Variants in FSTL4 observed in about 807,000 individuals in gnomAD.
The protein encoded by FSTL4 is follistatin-related protein 4.
Under a neutral mutation model 78.2 loss-of-function variants are expected in FSTL4, and 28 were observed. That is an observed-to-expected ratio of 0.36 (90% CI 0.27 to 0.49). The LOEUF (loss-of-function observed/expected upper bound fraction) is 0.49, where lower values mean the gene tolerates loss of function less well. Ranked by LOEUF, FSTL4 falls within the 20% of genes least tolerant of loss-of-function variation. FSTL4 has a pLI of 0.98. For synonymous variants in FSTL4, 422 were observed against 440.5 expected, an observed-to-expected ratio of 0.96 and a Z score of 0.53; for missense variants, 922 against 1,084.9, an observed-to-expected ratio of 0.85 and a Z score of 2.11.
chr5:133,312,596 A>G, intron 6 of FSTL4, 58 bp downstream of exon 6: 1 of 1,560,890 alleles, frequency 6.4e-7, no homozygotes, highest in South Asian at 1.1e-5. Flanking sequence ...ACCCAACAGC[A>G]TTTTGGTGCA....
Position 133,221,900 on chromosome 5 carries a change from T to TG in FSTL4, c.1340-1035_1340-1034insC, listed in dbSNP as rs1561626695. ...AAAAATCTCTTTTCTAGTTTTTTTT[T>TG]TTTTTTTTTTTTTTTTTTTTTTTTT... On this transcript the variant is annotated intron_variant, in intron 11 of 15. Transcript: ENST00000265342. Among the ~76,000 whole-genome samples, 123 of 92,894 alleles carry TG rather than the reference T, an allele frequency of 1.3e-3. 3 individuals carry two copies. The highest frequency in any genetic ancestry group is 8.6e-3 in the African/African-American group (117 of 13,660). 60.9% of individuals were successfully genotyped at this position (92,894 alleles called of 152,430 possible).
At chr5:133,421,265 AG>A (rs1184266391) in intron 3 of FSTL4, among the ~76,000 whole-genome samples, 1 of 152,192 alleles carries the variant, frequency 6.6e-6, no homozygotes, top group Non-Finnish European at 1.5e-5. Flanking sequence ...CCTTCAAGTC[AG>A]GTTTTGAACA....
intron 4 of FSTL4, among the ~76,000 whole-genome samples, chr5:133,383,515 T>C (rs1755624449): frequency 6.6e-6 from 1 of 152,188 alleles, no homozygotes; most frequent in Admixed American, 6.5e-5. Context: ...CAGTGCCCAC[T>C]TCCCTGGAAG....
chr5:133,304,965 C>T (rs914841803), intron 6 of FSTL4, among the ~76,000 whole-genome samples: 7 of 152,230 alleles, frequency 4.6e-5, no homozygotes, highest in African/African-American at 1.4e-4. Context: ...TCCTGCACAG[C>T]AGGGGCAGGT....
At chr5:133,452,504 A>G (rs962730232) in intron 3 of FSTL4, among the ~76,000 whole-genome samples, 1 of 152,268 alleles carries the variant, frequency 6.6e-6, no homozygotes, top group African/African-American at 2.4e-5. Flanking sequence ...CTCCAGAAAC[A>G]CCACCACCAA....
the FSTL4 span, among the ~76,000 whole-genome samples, chr5:133,784,452 G>A: frequency 6.6e-6 from 1 of 152,192 alleles, no homozygotes; most frequent in Non-Finnish European, 1.5e-5. Context: ...TCCTTGAAGA[G>A]TACTGGTCAG....
At position 133,251,371 on chromosome 5, in the gene FSTL4, G is replaced by T. The variant is rs141866542; in HGVS notation, c.728-1795C>A. Among the ~76,000 whole-genome samples, 992 of 152,260 alleles carry T rather than the reference G, an allele frequency of 6.5e-3. 10 individuals are homozygous for T. Among genetic ancestry groups the T allele is most frequent in the African/African-American group, 0.022 (905 of 41,536 alleles). On this transcript the variant is annotated intron_variant, in intron 6 of 15. Coordinates refer to ENST00000265342, the MANE Select transcript of FSTL4 (RefSeq NM_015082.2). Reference sequence around the variant, plus strand: ...TTGTGCCGCTGCTCCTGCCACCTGGGGCAACCGCATGTGTCTGGGCAGAGA... The same window carrying T: ...TTGTGCCGCTGCTCCTGCCACCTGGTGCAACCGCATGTGTCTGGGCAGAGA...
At chr5:133,660,069 G>GA in the FSTL4 span, among the ~76,000 whole-genome samples, 1 of 152,082 alleles carries the variant, frequency 6.6e-6, no homozygotes, top group Non-Finnish European at 1.5e-5. Flanking sequence ...AAACAGTGAG[G>GA]AAAAAACACT....
intron 4 of FSTL4, among the ~76,000 whole-genome samples, chr5:133,365,548 C>T (rs564960834): frequency 9.3e-4 from 141 of 152,266 alleles, no homozygotes; most frequent in African/African-American, 3.3e-3. Flanking sequence ...AACCCCTGCA[C>T]GAGGCAGGAT....
chr5:133,409,246 G>C (rs562089433), intron 3 of FSTL4, among the ~76,000 whole-genome samples: 44 of 152,246 alleles, frequency 2.9e-4, no homozygotes, highest in African/African-American at 1.0e-3. Flanking sequence ...GGCAGTGTCA[G>C]GTAGTCACCA....
intron 4 of FSTL4, among the ~76,000 whole-genome samples, chr5:133,383,792 G>A (rs965425680): frequency 6.6e-6 from 1 of 152,202 alleles, no homozygotes; most frequent in Non-Finnish European, 1.5e-5. Context: ...TCAGCAGCTT[G>A]CTGGTCGAGG....
chr5:133,625,368 T>C, the FSTL4 span, among the ~76,000 whole-genome samples: 1 of 151,700 alleles, frequency 6.6e-6, no homozygotes, highest in African/African-American at 2.4e-5. Flanking sequence ...GAAGAATTAT[T>C]TCATTTAATT....
At chr5:133,413,035 C>A (rs1254614325) in intron 3 of FSTL4, among the ~76,000 whole-genome samples, 1 of 152,020 alleles carries the variant, frequency 6.6e-6, no homozygotes, top group Non-Finnish European at 1.5e-5. Context: ...ATACTTCACC[C>A]TGATTTTCTT....
chr5:133,458,025 A>T (rs1439672270), intron 3 of FSTL4: 1 of 152,194 alleles, frequency 6.6e-6, no homozygotes, highest in Non-Finnish European at 1.5e-5. Context: ...ACAAGCATCT[A>T]TCTATCTATA....
intron 6 of FSTL4, among the ~76,000 whole-genome samples, chr5:133,268,052 A>G (rs73788030): frequency 0.024 from 3,646 of 152,298 alleles, 152 homozygotes; most frequent in African/African-American, 0.081. Flanking sequence ...CTCAAATAAA[A>G]TGTTAGCTAT....
the FSTL4 span, among the ~76,000 whole-genome samples, chr5:133,760,694 C>T: frequency 5.9e-5 from 9 of 152,062 alleles, no homozygotes; most frequent in East Asian, 3.9e-4. Context: ...CACGCAGTTC[C>T]GCTGAGGCAA....
intron 3 of FSTL4, among the ~76,000 whole-genome samples, chr5:133,506,851 A>C (rs1195014382): frequency 6.6e-6 from 1 of 152,266 alleles, no homozygotes; most frequent in South Asian, 2.1e-4. Context: ...TGGCTGGCTG[A>C]ATGAATTAAC....
At chr5:133,316,395 CCGGGGTGGGAAATGGAAAACTGGA>C in intron 5 of FSTL4, 40 bp downstream of exon 5, 1 of 1,292,544 alleles carries the variant, frequency 7.7e-7, no homozygotes, top group South Asian at 1.3e-5. Flanking sequence ...CACCAGGGGG[CCGGGGTGGGAAATGGAAAACTGGA>C]TTCCTCCATC....
At chr5:133,393,964 G>T (rs1323523315) in intron 4 of FSTL4, among the ~76,000 whole-genome samples, 1 of 152,250 alleles carries the variant, frequency 6.6e-6, no homozygotes, top group Non-Finnish European at 1.5e-5. Flanking sequence ...TCCTGGGGAA[G>T]AAGCATAAAG....
Sources: gnomAD v4.1 joint callset for allele counts (sites outside exome capture counted in the v4.1 genomes callset) on GRCh38, gnomAD v4.1.1 for gene constraint, MANE v1.5 for transcripts, NCBI Gene and HGNC (gene_info 2026-07-23, HGNC 2026-07-21) for gene names.